The following CLYBL variants were observed in gnomAD, a reference collection of about 807,000 sequenced individuals.
CLYBL encodes citramalyl-CoA lyase.
Under a neutral mutation model 38.9 loss-of-function variants are expected in CLYBL, and 31 were observed. That is an observed-to-expected ratio of 0.80 (90% CI 0.60 to 1.08). The LOEUF (loss-of-function observed/expected upper bound fraction) is 1.08, where lower values mean the gene tolerates loss of function less well. Ranked by LOEUF, CLYBL falls within the 50% of genes least tolerant of loss-of-function variation. The probability of loss-of-function intolerance (pLI) is 0.00; values close to 1 mark genes in which losing one functional copy is unlikely to be tolerated. For synonymous variants in CLYBL, 171 were observed against 158.6 expected, an observed-to-expected ratio of 1.08 and a Z score of -0.59; for missense variants, 434 against 411.6, an observed-to-expected ratio of 1.05 and a Z score of -0.47.
intron 7 of CLYBL, among the ~76,000 whole-genome samples, chr13:99,883,561 A>G (rs1314799416): frequency 1.3e-5 from 2 of 151,820 alleles, no homozygotes; most frequent in African/African-American, 4.8e-5. Context: ...TTAAAATGTC[A>G]TCTCTCTTCC....
chr13:99,674,142 CTTTTTTTTTTTT>C (rs1167068936), intron 1 of CLYBL, among the ~76,000 whole-genome samples: 18 of 51,158 alleles, frequency 3.5e-4, no homozygotes, highest in Middle Eastern at 0.013. Context: ...TACTAGAATT[CTTTTTTTTTTTT>C]TTTTTTTTTT....
intron 1 of CLYBL, among the ~76,000 whole-genome samples, chr13:99,686,323 T>C (rs2139414770): frequency 6.6e-6 from 1 of 152,336 alleles, no homozygotes; most frequent in Middle Eastern, 3.4e-3. Flanking sequence ...CTCCTAGTGC[T>C]GAGCTCACCG....
chr13:99,770,243 G>C (rs1203714574), intron 1 of CLYBL, among the ~76,000 whole-genome samples: 3 of 150,556 alleles, frequency 2.0e-5, no homozygotes, highest in Admixed American at 1.3e-4. Context: ...GCCCGCGACT[G>C]TGCCCGGCTG....
chr13:99,857,011 C>T (rs1462841042), intron 2 of CLYBL, among the ~76,000 whole-genome samples: 1 of 151,902 alleles, frequency 6.6e-6, no homozygotes, highest in Non-Finnish European at 1.5e-5. Flanking sequence ...CTGCTCTTCA[C>T]CTTTAAGATT....
At chr13:99,797,850 T>G (rs952521506) in intron 2 of CLYBL, among the ~76,000 whole-genome samples, 4 of 152,194 alleles carry the variant, frequency 2.6e-5, no homozygotes, top group Admixed American at 6.5e-5. Context: ...AATTATAGCC[T>G]AACTGTCTTC....
chr13:99,860,203 C>G (rs1363207281), intron 3 of CLYBL, among the ~76,000 whole-genome samples: 1 of 152,166 alleles, frequency 6.6e-6, no homozygotes, highest in African/African-American at 2.4e-5. Context: ...AGAATGTAAA[C>G]TATCTCGATA....
intron 1 of CLYBL, among the ~76,000 whole-genome samples, chr13:99,609,914 T>TTTTC (rs2046600623): frequency 6.9e-6 from 1 of 144,936 alleles, no homozygotes; most frequent in Non-Finnish European, 1.6e-5. Flanking sequence ...TTAGTTCTTT[T>TTTTC]TTTCTTTCTT....
intron 1 of CLYBL, among the ~76,000 whole-genome samples, chr13:99,702,518 G>T (rs1338874033): frequency 6.6e-6 from 1 of 151,728 alleles, no homozygotes; most frequent in Non-Finnish European, 1.5e-5. Flanking sequence ...TGTAATCCGA[G>T]CTACTTAGGA....
At chr13:99,700,551 TGTG>T (rs2048049816) in intron 1 of CLYBL, among the ~76,000 whole-genome samples, 1 of 152,220 alleles carries the variant, frequency 6.6e-6, no homozygotes, top group Non-Finnish European at 1.5e-5. Context: ...AGTTCCGTCC[TGTG>T]GTGGTGTTTG....
chr13:99,711,592 G>T (rs1376512757), intron 1 of CLYBL, among the ~76,000 whole-genome samples: 1 of 149,026 alleles, frequency 6.7e-6, no homozygotes, highest in Non-Finnish European at 1.5e-5. Context: ...TTTTAGTAGA[G>T]ATGGCGTTTC....
intron 1 of CLYBL, among the ~76,000 whole-genome samples, chr13:99,688,245 A>G (rs1305487846): frequency 6.6e-6 from 1 of 151,976 alleles, no homozygotes; most frequent in Admixed American, 6.6e-5. Flanking sequence ...TGGTTTCCAG[A>G]TCTGTGTAAC....
intron 2 of CLYBL, among the ~76,000 whole-genome samples, chr13:99,804,036 G>A (rs1049041207): frequency 2.0e-5 from 3 of 152,224 alleles, no homozygotes; most frequent in Non-Finnish European, 2.9e-5. Context: ...AAACAGAAAC[G>A]ACTTCAAAGA....
chr13:99,653,740 C>T (rs2047288641), intron 1 of CLYBL, among the ~76,000 whole-genome samples: 1 of 152,064 alleles, frequency 6.6e-6, no homozygotes, highest in South Asian at 2.1e-4. Context: ...GTCCAGATCT[C>T]CCAGGACGCT....
intron 2 of CLYBL, among the ~76,000 whole-genome samples, chr13:99,848,778 G>T (rs1355293819): frequency 2.0e-5 from 3 of 152,212 alleles, no homozygotes; most frequent in Non-Finnish European, 2.9e-5. Flanking sequence ...GAGTAAAAGT[G>T]GGAAGAGCCA....
Position 99,865,759 on chromosome 13 carries a change from C to T in CLYBL, c.635-481C>T, listed in dbSNP as rs1455440443. Among the ~76,000 whole-genome samples, 1 of 152,348 alleles carries T rather than the reference C, an allele frequency of 6.6e-6. No homozygotes were observed. Among genetic ancestry groups the T allele is most frequent in the African/African-American group, 2.4e-5 (1 of 41,582 alleles). ...CCTCCCGTCTCCCCAAGTTCTCCAT[C>T]CAGACAGACCCTGAAGCTGAAGCAT... On this transcript the variant is annotated intron_variant, in intron 5 of 8. Transcript: ENST00000339105. The surrounding 1 kb of genome is among the most constrained non-coding windows in gnomAD (Gnocchi z 4.7).
At chr13:99,677,025 C>A (rs1035989501) in intron 1 of CLYBL, among the ~76,000 whole-genome samples, 1 of 151,612 alleles carries the variant, frequency 6.6e-6, no homozygotes, top group African/African-American at 2.4e-5. Flanking sequence ...ACAAATTGTC[C>A]CCTTTTTTTC....
intron 2 of CLYBL, among the ~76,000 whole-genome samples, chr13:99,835,589 G>C (rs540319747): frequency 1.2e-4 from 19 of 152,342 alleles, no homozygotes; most frequent in Middle Eastern, 3.4e-3. Context: ...AAGGAAGAAT[G>C]GTTGCTGTGA....
intron 1 of CLYBL, among the ~76,000 whole-genome samples, chr13:99,655,389 C>T (rs964935546): frequency 2.6e-5 from 4 of 152,122 alleles, no homozygotes; most frequent in Non-Finnish European, 4.4e-5. Flanking sequence ...TGTTGCATTT[C>T]GTTACTGGCA....
chr13:99,763,099 C>T (rs996237667), intron 1 of CLYBL, among the ~76,000 whole-genome samples: 7 of 152,168 alleles, frequency 4.6e-5, no homozygotes, highest in African/African-American at 1.7e-4. Flanking sequence ...AGTATAAGAT[C>T]ATGTTATCTG....
Sources: allele counts gnomAD v4.1 joint callset (sites outside exome capture counted in the v4.1 genomes callset), GRCh38; gene constraint gnomAD v4.1.1; non-coding constraint Gnocchi (gnomAD v3.1); transcripts MANE v1.5; gene names NCBI Gene and HGNC (gene_info 2026-07-23, HGNC 2026-07-21).